PCDHA3: variants seen among roughly 807,000 people sequenced by gnomAD.
PCDHA3 encodes protocadherin alpha 3, also known as protocadherin alpha-3.
In PCDHA3, 41 loss-of-function variants were observed where a neutral mutation model predicts 62.2. That is an observed-to-expected ratio of 0.66 (90% CI 0.51 to 0.86). The LOEUF is 0.86. Among genes scored for constraint, PCDHA3 ranks in the 40% least tolerant of loss-of-function variants. PCDHA3 has a pLI of 0.00. For missense variants in PCDHA3, 1,304 were observed against 1,241.2 expected (o/e 1.05, Z -0.76); for synonymous variants, 640 against 555.4 (o/e 1.15, Z -2.14).
intron 1 of PCDHA3, chr5:140,966,278 T>TGG (rs1173319352): frequency 3.6e-5 from 13 of 363,192 alleles, no homozygotes; most frequent in Admixed American, 2.8e-4. Context: ...AACTGGACAG[T>TGG]GGGGGTAGGG....
Position 140,916,977 on chromosome 5 carries a change from T to A in PCDHA3, c.2395-61972T>A, listed in dbSNP as rs569550595. Among the ~76,000 whole-genome samples the A allele has an allele frequency of 2.6e-5, 4 of 152,302 alleles. No individual in the cohort carries two copies. In the South Asian group the frequency reaches 8.3e-4, roughly 32 times the overall value. On this transcript the variant is annotated intron_variant, in intron 1 of 3. Transcript: ENST00000522353. ...AGTTCTGACTGCTGGGATGAGTGAT[T>A]CGCCTCTGGCCAGGCCTGTTCCAAA...
rs558900138 is a variant in PCDHA3, at chr5:140,898,510, C to T, written c.2395-80439C>T. On this transcript the variant is annotated intron_variant, in intron 1 of 3. Coordinates refer to ENST00000522353, the MANE Select transcript of PCDHA3 (RefSeq NM_018906.3). ...AGATCAGATAGTTGTAGATATGCGG[C>T]GTTATTTCTGAGGGCTCTGTTCTGT... Among the ~76,000 whole-genome samples, 9 of 152,196 alleles carry T rather than the reference C, an allele frequency of 5.9e-5. No homozygotes were observed. In the South Asian group the frequency reaches 6.2e-4, roughly 11 times the overall value.
intron 1 of PCDHA3, among the ~76,000 whole-genome samples, chr5:140,897,559 G>A (rs1554187454): frequency 6.6e-6 from 1 of 152,026 alleles, no homozygotes; most frequent in African/African-American, 2.4e-5. Context: ...TGGTGTATAT[G>A]TGCCACATTT....
At chr5:140,877,487 A>G in intron 1 of PCDHA3, 1 of 1,613,822 alleles carries the variant, frequency 6.2e-7, no homozygotes, top group Non-Finnish European at 8.5e-7. Context: ...CTGGTGGAGA[A>G]CGGCCAGGCC....
At chr5:140,828,431 C>A in intron 1 of PCDHA3, 1 of 1,614,244 alleles carries the variant, frequency 6.2e-7, no homozygotes, top group Non-Finnish European at 8.5e-7. Context: ...GGACAGGCCG[C>A]TGCAGGTTTT....
At chr5:140,831,520 CTTTT>C (rs2150195630) in intron 1 of PCDHA3, among the ~76,000 whole-genome samples, 54,210 of 121,934 alleles carry the variant, frequency 0.44, 12,278 homozygotes, top group Middle Eastern at 0.51. Flanking sequence ...TGCCCCCCAC[CTTTT>C]TTTTTTTTTT....
intron 1 of PCDHA3, chr5:140,882,890 C>T (rs2059348397): frequency 6.2e-7 from 1 of 1,614,060 alleles, no homozygotes; most frequent in East Asian, 2.2e-5. Flanking sequence ...AATTCAGGAA[C>T]ATAGTTTATT....
rs191125107 is a variant in PCDHA3 at position 140,991,229 on chromosome 5, G to A, written c.2542+8666G>A. 1.4e-3 allele frequency among the ~76,000 whole-genome samples: 211 copies of A among 152,246 alleles called. 1 individual carries two copies. The highest frequency in any genetic ancestry group is 4.8e-3 in the African/African-American group (201 of 41,560). On this transcript the variant is annotated intron_variant, in intron 3 of 3. Coordinates refer to ENST00000522353, the MANE Select transcript of PCDHA3 (RefSeq NM_018906.3). ...AATTTTGTTAAATTCATTAATAAAT[G>A]CAGTGGTAAAGGCAGTATTTGAACT... is the stretch of plus-strand genomic sequence containing the variant.
intron 1 of PCDHA3, chr5:140,804,983 G>A: frequency 6.6e-7 from 1 of 1,509,884 alleles, no homozygotes; most frequent in South Asian, 1.3e-5. Flanking sequence ...TCCATCTCAG[G>A]TCAGTATTTT....
chr5:140,917,231 A>G (rs2077963769), intron 1 of PCDHA3, among the ~76,000 whole-genome samples: 1 of 151,360 alleles, frequency 6.6e-6, no homozygotes, highest in Admixed American at 6.6e-5. Context: ...TACGTTGTTA[A>G]ATCTAGGTAC....
chr5:140,834,585 T>A, intron 1 of PCDHA3: 1 of 1,614,126 alleles, frequency 6.2e-7, no homozygotes, highest in Non-Finnish European at 8.5e-7. Flanking sequence ...CCGGGCGGTG[T>A]GCAAATTCCG....
At chr5:140,877,296 C>A (rs781799440) in intron 1 of PCDHA3, 2 of 1,613,942 alleles carry the variant, frequency 1.2e-6, no homozygotes, top group Non-Finnish European at 1.7e-6. Context: ...CTTGGCTGTC[C>A]TACGAGTTGC....
intron 3 of PCDHA3, among the ~76,000 whole-genome samples, chr5:140,983,419 A>G (rs1209385386): frequency 5.3e-5 from 8 of 152,210 alleles, no homozygotes; most frequent in Non-Finnish European, 1.2e-4. Flanking sequence ...GTGTTGGTAG[A>G]GACCACAAAT....
intron 1 of PCDHA3, among the ~76,000 whole-genome samples, chr5:140,966,033 G>C (rs772770928): frequency 6.6e-6 from 1 of 152,138 alleles, no homozygotes; most frequent in African/African-American, 2.4e-5. Context: ...CAGGTGAATA[G>C]TTCCCATCGC....
chr5:140,865,243 T>C (rs1554159328), intron 1 of PCDHA3: 1 of 152,228 alleles, frequency 6.6e-6, no homozygotes, highest in Non-Finnish European at 1.5e-5. Flanking sequence ...CACGTATTTA[T>C]AGCTGTAAGG....
intron 1 of PCDHA3, chr5:140,850,551 G>T: frequency 6.3e-7 from 1 of 1,598,324 alleles, no homozygotes; most frequent in Non-Finnish European, 8.6e-7. Context: ...GTCAGTGGGT[G>T]CCACGGGCCC....
At position 140,843,090 on chromosome 5, in the gene PCDHA3, T is replaced by A; in HGVS notation, c.2394+39499T>A. The A allele has an allele frequency of 2.5e-6, 4 of 1,595,448 alleles. 1 individual carries two copies. The highest frequency in any genetic ancestry group is 3.4e-6 in the Non-Finnish European group (4 of 1,165,354). ...CCGCGGTCTGTGGGCGCGGGCCACGTGGTAGCGAAGGTGCGCGCAGTGGAC... is the reference window on the plus strand; with the variant it reads ...CCGCGGTCTGTGGGCGCGGGCCACGAGGTAGCGAAGGTGCGCGCAGTGGAC... On this transcript the variant is annotated intron_variant, in intron 1 of 3. Transcript: ENST00000522353.
chr5:140,853,779 T>G lies in PCDHA3; in HGVS notation c.2394+50188T>G, dbSNP rs958716488. On this transcript the variant is annotated intron_variant, in intron 1 of 3. Coordinates refer to ENST00000522353, the MANE Select transcript of PCDHA3 (RefSeq NM_018906.3). ...ACCTCAGAAATTCTGAAATGGGTAG[T>G]AAGAGCAAATTTTCATTTTAAAGCA... 3.5e-5 allele frequency: 35 copies of G among 987,624 alleles called. No individual in the cohort carries two copies. In the African/African-American group the frequency reaches 6.2e-4, roughly 17 times the overall value. 61.2% of individuals were successfully genotyped at this position (987,624 alleles called of 1,614,324 possible).
intron 1 of PCDHA3, chr5:140,822,069 G>C (rs2150113403): frequency 4.1e-5 from 66 of 1,614,116 alleles, no homozygotes; most frequent in Admixed American, 6.7e-5. Flanking sequence ...GCCGGCGGAG[G>C]GCGGAGTGCA....
Sources: gnomAD v4.1 joint callset for allele counts (sites outside exome capture counted in the v4.1 genomes callset) on GRCh38, gnomAD v4.1.1 for gene constraint, MANE v1.5 for transcripts, NCBI Gene and HGNC (gene_info 2026-07-23, HGNC 2026-07-21) for gene names.